Variants in CAMK1D observed in about 807,000 individuals in gnomAD.
CAMK1D encodes the protein calcium/calmodulin-dependent protein kinase type 1D.
A neutral mutation model predicts 47.7 loss-of-function variants in CAMK1D; 9 were observed. The ratio of observed to expected loss-of-function variants is 0.19; its 90% confidence interval spans 0.11 to 0.33. The LOEUF (loss-of-function observed/expected upper bound fraction) is 0.33. CAMK1D is among the 10% of genes least tolerant of loss of function. The pLI is 1.00. For missense variants in CAMK1D, 291 were observed against 488.7 expected, an observed-to-expected ratio of 0.60 and a Z score of 3.81; for synonymous variants, 184 against 184.9, an observed-to-expected ratio of 0.99 and a Z score of 0.04.
At chr10:12,743,931 G>A (rs534450191) in intron 3 of CAMK1D, among the ~76,000 whole-genome samples, 3 of 152,052 alleles carry the variant, frequency 2.0e-5, no homozygotes, top group African/African-American at 7.2e-5. Flanking sequence ...GCTGAAACAG[G>A]AGAATGGCTT....
intron 2 of CAMK1D, among the ~76,000 whole-genome samples, chr10:12,661,771 A>G (rs1164976525): frequency 1.3e-5 from 2 of 152,254 alleles, no homozygotes; most frequent in Non-Finnish European, 2.9e-5. Flanking sequence ...GATGAGATCT[A>G]TAGACTGGAA....
chr10:12,681,617 C>A (rs1218510201), intron 3 of CAMK1D, among the ~76,000 whole-genome samples: 1 of 152,236 alleles, frequency 6.6e-6, no homozygotes, highest in African/African-American at 2.4e-5. Context: ...TCTTTTATTT[C>A]ATTTATTCCA....
intron 1 of CAMK1D, among the ~76,000 whole-genome samples, chr10:12,514,963 G>C (rs10906159): frequency 0.54 from 82,467 of 151,954 alleles, 22,506 homozygotes; most frequent in South Asian, 0.68. Context: ...TGATTCTCCT[G>C]CCTCAGCCTC....
intron 6 of CAMK1D, among the ~76,000 whole-genome samples, chr10:12,802,364 C>A (rs1838518562): frequency 6.6e-6 from 1 of 152,158 alleles, no homozygotes; most frequent in Non-Finnish European, 1.5e-5. Flanking sequence ...TTGGGATTTT[C>A]TCAGTATAAA....
chr10:12,486,244 C>T (rs561254838), intron 1 of CAMK1D, among the ~76,000 whole-genome samples: 3 of 151,926 alleles, frequency 2.0e-5, no homozygotes, highest in African/African-American at 4.8e-5. Context: ...CTGCAAGCTC[C>T]GCCTCCCAGG....
chr10:12,349,787 C>T lies in CAMK1D; in HGVS notation c.-32C>T. ...CCGGCGCCCCCTCCCCAGCGCGCCC[C>T]CGGCCGCTCCTCCGCGCCGCGCTCG... is the stretch of plus-strand genomic sequence containing the variant. On this transcript the variant is annotated 5_prime_UTR_variant, in exon 1 of 11. Coordinates refer to ENST00000619168, the MANE Select transcript of CAMK1D (RefSeq NM_153498.4). The T allele has an allele frequency of 7.9e-7, 1 of 1,261,130 alleles. No individual in the cohort carries two copies. Among genetic ancestry groups the T allele is most frequent in the Non-Finnish European group, 1.0e-6 (1 of 971,318 alleles). 78.1% of individuals were successfully genotyped at this position (1,261,130 alleles called of 1,614,324 possible).
intron 2 of CAMK1D, among the ~76,000 whole-genome samples, chr10:12,645,772 C>T (rs890169724): frequency 9.9e-5 from 15 of 152,126 alleles, no homozygotes; most frequent in Admixed American, 9.2e-4. Flanking sequence ...TGATGGGCGC[C>T]GCCATCATGT....
chr10:12,631,297 T>C (rs1839371559), intron 2 of CAMK1D, among the ~76,000 whole-genome samples: 1 of 152,104 alleles, frequency 6.6e-6, no homozygotes, highest in African/African-American at 2.4e-5. Flanking sequence ...CCACTATTAG[T>C]ACAAATATAT....
At chr10:12,427,700 G>GTTTTTTTGTTTTTTTTTTTTTTTT (rs1290974363) in intron 1 of CAMK1D, among the ~76,000 whole-genome samples, 1 of 31,030 alleles carries the variant, frequency 3.2e-5, no homozygotes, top group Non-Finnish European at 6.2e-5. Context: ...TGAACTTACT[G>GTTTTTTTGTTTTTTTTTTTTTTTT]TTTTTTTTTT....
At chr10:12,565,380 A>G (rs1837090027) in intron 2 of CAMK1D, among the ~76,000 whole-genome samples, 1 of 152,022 alleles carries the variant, frequency 6.6e-6, no homozygotes, top group African/African-American at 2.4e-5. Flanking sequence ...CAGCCTCCCA[A>G]GTAGCTGGGT....
At chr10:12,548,198 C>T (rs1426457193) in intron 1 of CAMK1D, among the ~76,000 whole-genome samples, 3 of 152,102 alleles carry the variant, frequency 2.0e-5, no homozygotes, top group African/African-American at 2.4e-5. Flanking sequence ...TTCATGGGGT[C>T]GCTGTAAGGA....
chr10:12,623,341 T>TTTCCTTCC (rs1373239633), intron 2 of CAMK1D, among the ~76,000 whole-genome samples: 1 of 852 alleles, frequency 1.2e-3, no homozygotes, highest in East Asian at 0.033. Context: ...CCCTCCTTTC[T>TTTCCTTCC]TTCCTCCCTC....
intron 3 of CAMK1D, among the ~76,000 whole-genome samples, chr10:12,747,668 T>C (rs971290310): frequency 5.9e-5 from 9 of 152,084 alleles, no homozygotes; most frequent in Non-Finnish European, 1.2e-4. Flanking sequence ...CTTACATGGT[T>C]AGAGGATGGT....
chr10:12,589,827 T>C (rs183947428), intron 2 of CAMK1D, among the ~76,000 whole-genome samples: 5 of 152,274 alleles, frequency 3.3e-5, no homozygotes, highest in Admixed American at 2.6e-4. Flanking sequence ...AATTTCTGAG[T>C]CCGGGATTTT....
intron 2 of CAMK1D, among the ~76,000 whole-genome samples, chr10:12,610,111 A>G (rs1291168346): frequency 6.6e-6 from 1 of 152,140 alleles, no homozygotes; most frequent in Non-Finnish European, 1.5e-5. Flanking sequence ...CATGGTGTAA[A>G]GACTTTCTAT....
At chr10:12,756,193 T>G (rs1836220545) in intron 3 of CAMK1D, among the ~76,000 whole-genome samples, 1 of 152,252 alleles carries the variant, frequency 6.6e-6, no homozygotes, top group Non-Finnish European at 1.5e-5. Context: ...CTTCCAGCAT[T>G]AGCAGAAGTG....
At chr10:12,708,968 A>T (rs1833831223) in intron 3 of CAMK1D, among the ~76,000 whole-genome samples, 1 of 152,244 alleles carries the variant, frequency 6.6e-6, no homozygotes, top group Non-Finnish European at 1.5e-5. Context: ...ACGGCATCCC[A>T]GTTCGAGTCT....
chr10:12,530,076 T>C (rs184895513), intron 1 of CAMK1D, among the ~76,000 whole-genome samples: 5 of 152,336 alleles, frequency 3.3e-5, no homozygotes, highest in Admixed American at 3.3e-4. Flanking sequence ...ACAATGTTTA[T>C]TGTGATTCTA....
chr10:12,816,246 A>C lies in CAMK1D; in HGVS notation c.755-4A>C. ...TCCTTCCCTTGTGCCTTCTTTTTGA[A>C]CAGCAAAAGACTTCATTCGGAACCT... On this transcript the variant is annotated splice_region_variant and splice_polypyrimidine_tract_variant and intron_variant, in intron 7 of 10. Coordinates refer to ENST00000619168, the MANE Select transcript of CAMK1D (RefSeq NM_153498.4). The C allele has an allele frequency of 6.2e-7, 1 of 1,612,966 alleles. No individual in the cohort carries two copies. Among genetic ancestry groups the C allele is most frequent in the Non-Finnish European group, 8.5e-7 (1 of 1,179,494 alleles).
Sources: allele counts gnomAD v4.1 joint callset (sites outside exome capture counted in the v4.1 genomes callset), GRCh38; gene constraint gnomAD v4.1.1; transcripts MANE v1.5; gene names NCBI Gene and HGNC (gene_info 2026-07-23, HGNC 2026-07-21).